CSMD1: variants seen among roughly 807,000 people sequenced by gnomAD.
CSMD1 encodes the protein CUB and Sushi multiple domains 1, also known as CUB and sushi domain-containing protein 1.
Under a neutral mutation model 417.5 loss-of-function variants are expected in CSMD1, and 213 were observed. That is an observed-to-expected ratio of 0.51 (90% CI 0.46 to 0.57). CSMD1 has a LOEUF of 0.57. Ranked by LOEUF, CSMD1 falls within the 20% of genes least tolerant of loss-of-function variation. The pLI is 0.00. For missense variants in CSMD1, 6,923 were observed against 4,529.7 expected (o/e 1.53, Z -15.17); for synonymous variants, 2,862 against 1,736.8 (o/e 1.65, Z -16.11).
chr8:4,515,848 G>A (rs536845840), intron 2 of CSMD1, among the ~76,000 whole-genome samples: 21 of 152,264 alleles, frequency 1.4e-4, no homozygotes, highest in Non-Finnish European at 2.6e-4. Context: ...GAGAGCTTTA[G>A]CTCATAAGCC....
intron 1 of CSMD1, among the ~76,000 whole-genome samples, chr8:4,868,181 C>A (rs540534311): frequency 6.6e-6 from 1 of 152,164 alleles, no homozygotes; most frequent in Admixed American, 6.5e-5. Flanking sequence ...TTTACATATG[C>A]AAACTGTTTA....
chr8:4,883,270 T>A (rs1490810298), intron 1 of CSMD1, among the ~76,000 whole-genome samples: 1 of 152,076 alleles, frequency 6.6e-6, no homozygotes, highest in Non-Finnish European at 1.5e-5. Context: ...AAAGCTAATA[T>A]AGATACAAGA....
chr8:4,885,546 G>C (rs984269938), intron 1 of CSMD1, among the ~76,000 whole-genome samples: 1 of 151,934 alleles, frequency 6.6e-6, no homozygotes, highest in Non-Finnish European at 1.5e-5. Context: ...AGGAGGTGTT[G>C]GATTTTGTCA....
Position 3,244,669 on chromosome 8 carries a change from G to A in CSMD1, c.4154-14438C>T, listed in dbSNP as rs1799764673. On this transcript the variant is annotated intron_variant, in intron 26 of 69. Coordinates refer to ENST00000635120, the MANE Select transcript of CSMD1 (RefSeq NM_033225.6). ...CAGCTTTGATTCAGCCTTGAATGTG[G>A]CTGACAATCTGAGCCCTTTATCACC... is the stretch of plus-strand genomic sequence containing the variant. 2.0e-5 allele frequency among the ~76,000 whole-genome samples: 3 copies of A among 152,302 alleles called. No homozygotes were observed. The East Asian group carries it at 5.8e-4, about 29-fold the overall frequency.
chr8:3,351,598 C>CAA (rs10718608), intron 21 of CSMD1, among the ~76,000 whole-genome samples: 3,120 of 124,206 alleles, frequency 0.025, 52 homozygotes, highest in East Asian at 0.09. Context: ...GACTCTGTTT[C>CAA]AAAAAAAAAA....
At chr8:4,343,358 G>T (rs1341505557) in intron 3 of CSMD1, among the ~76,000 whole-genome samples, 1 of 152,014 alleles carries the variant, frequency 6.6e-6, no homozygotes, top group African/African-American at 2.4e-5. Context: ...ATATAGAACA[G>T]TGTGACTGAA....
At chr8:4,005,581 C>G (rs538010768) in intron 4 of CSMD1, among the ~76,000 whole-genome samples, 1 of 152,286 alleles carries the variant, frequency 6.6e-6, no homozygotes, top group African/African-American at 2.4e-5. Context: ...TAAGGACGTT[C>G]CACATGGTAT....
At chr8:4,644,935 C>T (rs1396294782) in intron 1 of CSMD1, among the ~76,000 whole-genome samples, 1 of 151,932 alleles carries the variant, frequency 6.6e-6, no homozygotes, top group Non-Finnish European at 1.5e-5. Flanking sequence ...TAGAGGTGGT[C>T]GGACAAATTA....
At chr8:4,680,122 G>C (rs140467017) in intron 1 of CSMD1, among the ~76,000 whole-genome samples, 1 of 152,132 alleles carries the variant, frequency 6.6e-6, no homozygotes, top group Non-Finnish European at 1.5e-5. Flanking sequence ...CACAGTATTT[G>C]GTAAAAGGAC....
At chr8:3,741,233 A>C (rs1486440144) in intron 6 of CSMD1, among the ~76,000 whole-genome samples, 1 of 151,042 alleles carries the variant, frequency 6.6e-6, no homozygotes, top group Non-Finnish European at 1.5e-5. Flanking sequence ...AAAAAAAAAA[A>C]AAAAAAAACA....
At chr8:4,070,671 T>G (rs1199009229) in intron 3 of CSMD1, among the ~76,000 whole-genome samples, 1 of 152,002 alleles carries the variant, frequency 6.6e-6, no homozygotes, top group Non-Finnish European at 1.5e-5. Flanking sequence ...CCTATAACAC[T>G]CTCTATTCGT....
intron 2 of CSMD1, among the ~76,000 whole-genome samples, chr8:4,456,706 G>T (rs1799509588): frequency 1.3e-5 from 2 of 152,176 alleles, no homozygotes; most frequent in Admixed American, 1.3e-4. Flanking sequence ...GAAGAAACAG[G>T]CATGTGGACC....
intron 3 of CSMD1, among the ~76,000 whole-genome samples, chr8:4,147,826 T>A (rs1238400066): frequency 6.6e-6 from 1 of 152,072 alleles, no homozygotes; most frequent in Non-Finnish European, 1.5e-5. Flanking sequence ...GGAAGACACA[T>A]CATCAGAAAG....
chr8:4,741,068 T>G (rs1810571743), intron 1 of CSMD1, among the ~76,000 whole-genome samples: 1 of 152,224 alleles, frequency 6.6e-6, no homozygotes, highest in South Asian at 2.1e-4. Context: ...ATCCTTATGC[T>G]TTAAGGAATG....
At chr8:4,965,453 T>C (rs933433615) in intron 1 of CSMD1, among the ~76,000 whole-genome samples, 1 of 152,250 alleles carries the variant, frequency 6.6e-6, no homozygotes, top group Admixed American at 6.5e-5. Context: ...GTCTCAGTGA[T>C]AATGCAGGAC....
chr8:3,531,873 G>A (rs1325438349), intron 10 of CSMD1, among the ~76,000 whole-genome samples: 1 of 152,142 alleles, frequency 6.6e-6, no homozygotes, highest in East Asian at 1.9e-4. Flanking sequence ...CCACCATGGG[G>A]CCCCACCTCT....
At chr8:3,888,262 C>T (rs569911634) in intron 5 of CSMD1, among the ~76,000 whole-genome samples, 23 of 152,254 alleles carry the variant, frequency 1.5e-4, no homozygotes, top group African/African-American at 5.1e-4. Context: ...CTGCTAAATA[C>T]ACCCAAATGC....
intron 1 of CSMD1, among the ~76,000 whole-genome samples, chr8:4,690,890 G>T (rs1311995021): frequency 6.6e-6 from 1 of 152,120 alleles, no homozygotes; most frequent in Admixed American, 6.5e-5. Flanking sequence ...CACCATGCCC[G>T]GCTAATTTTT....
chr8:3,266,821 G>C (rs1168304498), intron 26 of CSMD1, among the ~76,000 whole-genome samples: 1 of 150,950 alleles, frequency 6.6e-6, no homozygotes, highest in Non-Finnish European at 1.5e-5. Context: ...AGATGAATTG[G>C]TTGAGGTGCA....
Sources: gnomAD v4.1 joint callset for allele counts (sites outside exome capture counted in the v4.1 genomes callset) on GRCh38, gnomAD v4.1.1 for gene constraint, MANE v1.5 for transcripts, NCBI Gene and HGNC (gene_info 2026-07-23, HGNC 2026-07-21) for gene names.